Variants in PDE4D observed in about 807,000 individuals in gnomAD.
PDE4D encodes 3',5'-cyclic-AMP phosphodiesterase 4D.
A neutral mutation model predicts 87.4 loss-of-function variants in PDE4D; 24 were observed. That is an observed-to-expected ratio of 0.27 (90% CI 0.20 to 0.39). The LOEUF (loss-of-function observed/expected upper bound fraction) is 0.39, where lower values mean the gene tolerates loss of function less well. Among genes scored for constraint, PDE4D ranks in the 10% least tolerant of loss-of-function variants. The probability of loss-of-function intolerance (pLI) is 1.00; values close to 1 mark genes in which losing one functional copy is unlikely to be tolerated. For missense variants in PDE4D, 714 were observed against 1,041.0 expected, an observed-to-expected ratio of 0.69 and a Z score of 4.32; for synonymous variants, 384 against 383.2, an observed-to-expected ratio of 1.00 and a Z score of -0.02.
chr5:60,388,730 A>G (rs531333170), intron 1 of PDE4D, among the ~76,000 whole-genome samples: 2 of 152,340 alleles, frequency 1.3e-5, no homozygotes, highest in South Asian at 2.1e-4. Flanking sequence ...AAAGGAGGAC[A>G]GGAGAAGGTT....
rs1468312636 is a variant in PDE4D, at chr5:58,977,084, T to TTA, written c.1707+106_1707+107insTA. On this transcript the variant is annotated intron_variant, in intron 12 of 14. Transcript: ENST00000340635. ...TTCTATAACATAAAGGGCCATAATATGTTTTGAAATGCAGTTCCTTTTACC... is the reference window on the plus strand; with the variant it reads ...TTCTATAACATAAAGGGCCATAATATTAGTTTTGAAATGCAGTTCCTTTTACC... The TTA allele has an allele frequency of 2.7e-3, 2,675 of 981,294 alleles. 45 individuals carry two copies. In the African/African-American group the frequency reaches 0.039, roughly 14 times the overall value. 60.8% of individuals were successfully genotyped at this position (981,294 alleles called of 1,614,324 possible).
At chr5:60,010,635 C>A (rs939198933) in intron 2 of PDE4D, among the ~76,000 whole-genome samples, 1 of 152,040 alleles carries the variant, frequency 6.6e-6, no homozygotes. Flanking sequence ...ATGGAACACT[C>A]GATTCTTTGT....
intron 1 of PDE4D, among the ~76,000 whole-genome samples, chr5:60,382,521 T>C (rs1561190900): frequency 6.6e-6 from 1 of 152,220 alleles, no homozygotes; most frequent in African/African-American, 2.4e-5. Flanking sequence ...TTTTTAAAAA[T>C]ATTCTCATGT....
At chr5:59,559,604 T>C (rs1275968554) in intron 1 of PDE4D, among the ~76,000 whole-genome samples, 1 of 152,202 alleles carries the variant, frequency 6.6e-6, no homozygotes, top group Non-Finnish European at 1.5e-5. Flanking sequence ...GTGAAAACTT[T>C]TCACCTATAA....
chr5:60,143,924 GAAC>G (rs1281513369), intron 2 of PDE4D, among the ~76,000 whole-genome samples: 1 of 152,092 alleles, frequency 6.6e-6, no homozygotes, highest in Non-Finnish European at 1.5e-5. Flanking sequence ...GGGAATAAAT[GAAC>G]AACAAGATGT....
rs117863448 is a variant in PDE4D at position 59,957,882 on chromosome 5, T to C, written c.272+30606A>G. 7.2e-5 allele frequency among the ~76,000 whole-genome samples: 11 copies of C among 152,222 alleles called. No individual in the cohort carries two copies. In the East Asian group the frequency reaches 2.1e-3, roughly 29 times the overall value. On this transcript the variant is annotated intron_variant, in intron 3 of 16. Coordinates refer to the PDE4D transcript ENST00000502484. ...AACTAAATGGTGAATGAGTACAACA[T>C]AAAAAAGAAATTGTTCTATCAATTC...
chr5:60,053,382 T>A (rs1770416369), intron 2 of PDE4D, among the ~76,000 whole-genome samples: 1 of 151,994 alleles, frequency 6.6e-6, no homozygotes, highest in Non-Finnish European at 1.5e-5. Flanking sequence ...TCAGAAATAA[T>A]GCCACACATC....
At chr5:59,823,363 A>G (rs1201619583) in intron 1 of PDE4D, among the ~76,000 whole-genome samples, 1 of 152,080 alleles carries the variant, frequency 6.6e-6, no homozygotes, top group East Asian at 1.9e-4. Flanking sequence ...CCATTCTTTG[A>G]AAAACAACAT....
At chr5:59,034,036 A>T (rs1261325195) in intron 6 of PDE4D, among the ~76,000 whole-genome samples, 1 of 152,180 alleles carries the variant, frequency 6.6e-6, no homozygotes, top group African/African-American at 2.4e-5. Flanking sequence ...TTTCAGTGAA[A>T]GAAAAATTTC....
chr5:59,846,194 C>T (rs765606737), intron 1 of PDE4D, among the ~76,000 whole-genome samples: 4 of 151,824 alleles, frequency 2.6e-5, no homozygotes, highest in Non-Finnish European at 5.9e-5. Context: ...TTTACCTTAC[C>T]GATGGTGGTA....
At chr5:59,665,215 A>T (rs1745879229) in intron 1 of PDE4D, among the ~76,000 whole-genome samples, 1 of 152,208 alleles carries the variant, frequency 6.6e-6, no homozygotes, top group African/African-American at 2.4e-5. Flanking sequence ...TTTGGCAAGC[A>T]AAGTTTAAAA....
rs192631064 is a variant in PDE4D at position 60,050,176 on chromosome 5, G to A, written c.43-61459C>T. On this transcript the variant is annotated intron_variant, in intron 2 of 16. Coordinates refer to the PDE4D transcript ENST00000502484. The stretch of plus-strand genomic sequence containing the variant: ...CTTTGACTAGGAAAGGGAACTCCCT[G>A]ACCCCTTGTGCTTCCCGAGTGAGGC... 4.2e-3 allele frequency among the ~76,000 whole-genome samples: 640 copies of A among 152,238 alleles called. 3 individuals are homozygous for A. The highest frequency in any genetic ancestry group is 0.015 in the African/African-American group (624 of 41,540).
chr5:60,112,673 C>T (rs1347681256), intron 2 of PDE4D, among the ~76,000 whole-genome samples: 1 of 152,038 alleles, frequency 6.6e-6, no homozygotes, highest in East Asian at 1.9e-4. Flanking sequence ...TGTCATAAAA[C>T]CATCTGAATA....
intron 1 of PDE4D, among the ~76,000 whole-genome samples, chr5:59,469,459 G>T (rs1802101102): frequency 6.6e-6 from 1 of 152,192 alleles, no homozygotes; most frequent in South Asian, 2.1e-4. Context: ...AACATCAGTA[G>T]TTTTCATCAA....
chr5:59,611,567 G>A (rs894401817), intron 1 of PDE4D, among the ~76,000 whole-genome samples: 2 of 152,126 alleles, frequency 1.3e-5, no homozygotes, highest in Admixed American at 1.3e-4. Flanking sequence ...AACTTCTTAA[G>A]GGCAGGGTTT....
Position 60,365,349 on chromosome 5 carries a change from A to AC in PDE4D, c.-90+122592dup, listed in dbSNP as rs1760427978. Among the ~76,000 whole-genome samples the AC allele has an allele frequency of 1.3e-5, 2 of 151,904 alleles. 1 individual carries two copies. The highest frequency in any genetic ancestry group is 4.1e-4 in the South Asian group (2 of 4,820). On this transcript the variant is annotated intron_variant, in intron 1 of 16. Coordinates refer to the PDE4D transcript ENST00000502484. ...CCTTTTGAAATGTCAGAAGATATGG[A>AC]CCCCCCTAAAGCTGCATGTTTGCCT...
intron 2 of PDE4D, among the ~76,000 whole-genome samples, chr5:60,042,303 G>T (rs867282112): frequency 6.6e-6 from 1 of 152,202 alleles, no homozygotes; most frequent in Admixed American, 6.5e-5. Flanking sequence ...CCAGTCAGGG[G>T]CTTATAGATA....
chr5:60,027,065 T>C (rs1181165189), intron 2 of PDE4D, among the ~76,000 whole-genome samples: 2 of 152,076 alleles, frequency 1.3e-5, no homozygotes, highest in Non-Finnish European at 2.9e-5. Flanking sequence ...TTTTTTTCCT[T>C]CTCTCTTTTT....
At chr5:60,008,451 C>T (rs562081675) in intron 2 of PDE4D, among the ~76,000 whole-genome samples, 2 of 152,088 alleles carry the variant, frequency 1.3e-5, no homozygotes, top group South Asian at 4.1e-4. Context: ...ATTTAGAACA[C>T]ATCTGAAGGC....
Sources: gnomAD v4.1 joint callset for allele counts (sites outside exome capture counted in the v4.1 genomes callset) on GRCh38, gnomAD v4.1.1 for gene constraint, MANE v1.5 for transcripts, NCBI Gene and HGNC (gene_info 2026-07-23, HGNC 2026-07-21) for gene names.